The following RRP36 variants were observed in gnomAD, a reference collection of about 807,000 sequenced individuals.
RRP36 encodes the protein ribosomal RNA processing protein 36 homolog.
A neutral mutation model predicts 39.8 loss-of-function variants in RRP36; 44 were observed. That is an observed-to-expected ratio of 1.10 (90% CI 0.87 to 1.42). RRP36 has a LOEUF of 1.42. Ranked by LOEUF, RRP36 falls within the 40% of genes most tolerant of loss-of-function variation. The pLI is 0.00. For missense variants in RRP36, 316 were observed against 322.4 expected (o/e 0.98, Z 0.15); for synonymous variants, 124 against 123.1 (o/e 1.01, Z -0.05).
chr6:43,028,131 G>T (rs984078982), intron 6 of RRP36, among the ~76,000 whole-genome samples: 4 of 152,018 alleles, frequency 2.6e-5, no homozygotes, highest in Non-Finnish European at 5.9e-5. Context: ...TTCGAGACCA[G>T]CCTGGGGGCC....
At chr6:43,026,335 T>C (rs1762813449) in intron 4 of RRP36, among the ~76,000 whole-genome samples, 194 bp downstream of exon 4, 1 of 152,182 alleles carries the variant, frequency 6.6e-6, no homozygotes, top group Non-Finnish European at 1.5e-5. Context: ...AATCTCTCTA[T>C]GCTTTAGTTT....
chr6:43,023,477 C>T (rs1235292179), intron 1 of RRP36, among the ~76,000 whole-genome samples: 1 of 151,896 alleles, frequency 6.6e-6, no homozygotes, highest in Non-Finnish European at 1.5e-5. Context: ...GGGCGGATCA[C>T]AAGGTCAGGA....
chr6:43,022,778 C>T (rs1471869921), intron 1 of RRP36, among the ~76,000 whole-genome samples: 1 of 151,752 alleles, frequency 6.6e-6, no homozygotes, highest in Non-Finnish European at 1.5e-5. Flanking sequence ...ACTACAGGCG[C>T]CCGCCACCAC....
At chr6:43,028,653 A>G (rs1200972768) in intron 6 of RRP36, among the ~76,000 whole-genome samples, 2 of 150,554 alleles carry the variant, frequency 1.3e-5, no homozygotes, top group Non-Finnish European at 2.9e-5. Context: ...ATCTCAAAAA[A>G]AAAAAGTCAC....
chr6:43,021,748 C>T lies in RRP36; in HGVS notation c.94C>T (p.Leu32=), dbSNP rs578100042. 8.9e-7 allele frequency: 1 copy of T among 1,121,226 alleles called. No individual in the cohort carries two copies. The highest frequency in any genetic ancestry group is 4.3e-5 in the East Asian group (1 of 23,022). 69.5% of individuals were successfully genotyped at this position (1,121,226 alleles called of 1,614,324 possible). A position where few individuals can be genotyped will look rare whatever the true frequency, so the allele number is the denominator to read the frequency against. Residue 32 remains leucine, a synonymous_variant, in exon 1 of 7, where the codon CTG becomes TTG. Transcript: ENST00000244496. The part of the protein sequence containing the change: ...ARDREEDGGG[L]EPAAVARDLL... The stretch of plus-strand genomic sequence containing the variant: ...GGACCGCGAGGAGGACGGCGGGGGC[C>T]TGGAGCCCGCGGCCGTGGCCCGCGA...
chr6:43,023,824 A>G (rs1762767890), intron 1 of RRP36, among the ~76,000 whole-genome samples: 1 of 151,848 alleles, frequency 6.6e-6, no homozygotes. Context: ...GTGATAGAGG[A>G]TATGGAGAAA....
At chr6:43,024,208 G>A (rs1173930560) in intron 1 of RRP36, among the ~76,000 whole-genome samples, 1 of 152,094 alleles carries the variant, frequency 6.6e-6, no homozygotes, top group Non-Finnish European at 1.5e-5. Flanking sequence ...AGGTGATTTT[G>A]AATAAAGGCT....
At chr6:43,027,309 A>G (rs1326883050) in intron 5 of RRP36, 51 bp from the exon 6 acceptor site, 2 of 1,608,890 alleles carry the variant, frequency 1.2e-6, no homozygotes, top group Non-Finnish European at 1.7e-6. Flanking sequence ...GGAGATATTC[A>G]CAGATCTGAA....
chr6:43,025,007 G>C lies in RRP36; in HGVS notation c.153G>C (p.Glu51Asp). ...CAGGCACATCTAACATGTCATTTGA[G>C]GAGCTGTTGGAATTGCAGAGCCAAG... ...LLRGTSNMSFEELLELQSQVG... is the reference protein window; with the variant it reads ...LLRGTSNMSFDELLELQSQVG... Residue 51 changes from glutamate (E) to aspartate (D), a missense_variant, in exon 2 of 7, where the codon GAG (glutamate) becomes GAC (aspartate). By Grantham distance (45) the Glu-to-Asp change is conservative. Coordinates refer to ENST00000244496, the MANE Select transcript of RRP36 (RefSeq NM_033112.4). The C allele has an allele frequency of 6.2e-7, 1 of 1,614,048 alleles. No homozygotes were observed.
At chr6:43,025,586 G>T (rs987412189) in intron 3 of RRP36, among the ~76,000 whole-genome samples, 2 of 133,534 alleles carry the variant, frequency 1.5e-5, no homozygotes, top group African/African-American at 5.8e-5. Context: ...TCATGCCACT[G>T]CCCTACAGCC....
intron 1 of RRP36, among the ~76,000 whole-genome samples, chr6:43,023,910 G>T (rs1375209569): frequency 2.0e-5 from 3 of 149,868 alleles, no homozygotes; most frequent in Non-Finnish European, 4.4e-5. Flanking sequence ...AGGCTGGAGT[G>T]CAGTGACGTG....
rs1319494474 is a variant in RRP36, at chr6:43,029,205, C to A, written c.757C>A (p.His253Asn). The A allele has an allele frequency of 3.1e-6, 5 of 1,614,106 alleles. No homozygotes were observed. Among genetic ancestry groups the A allele is most frequent in the Non-Finnish European group, 3.4e-6 (4 of 1,180,040 alleles). The change falls in exon 7 of 7, where the codon CAT becomes AAT. Residue 253 changes from histidine (H) to asparagine (N), a missense_variant. Coordinates refer to ENST00000244496, the MANE Select transcript of RRP36 (RefSeq NM_033112.4). Reference protein sequence around the residue: ...RRRNAGKDRRHLPLSKE With the variant: ...RRRNAGKDRRNLPLSKE ...ACGAAATGCAGGCAAGGACAGGAGA[C>A]ATCTCCCTTTGAGCAAAGAGTAATA...
chr6:43,026,141 G>A lies in RRP36; in HGVS notation c.450G>A (p.Glu150=). The A allele has an allele frequency of 6.2e-7, 1 of 1,609,394 alleles. No individual in the cohort carries two copies. The highest frequency in any genetic ancestry group is 8.5e-7 in the Non-Finnish European group (1 of 1,176,012). The change falls in exon 4 of 7, where the codon GAG becomes GAA. Residue 150 remains glutamate, a splice_region_variant and synonymous_variant. Transcript: ENST00000244496. ...FLNDIRAKEK[E]LVKKQLKKHL... ...ATGACATCCGAGCGAAAGAGAAAGA[G>A]GTATACAGCTTGAGACTGGTTTATG...
chr6:43,027,248 G>T lies in RRP36; in HGVS notation c.521G>T (p.Arg174Leu). 1 of 1,614,126 alleles carries T rather than the reference G, an allele frequency of 6.2e-7. No individual in the cohort carries two copies. The highest frequency in any genetic ancestry group is 8.5e-7 in the Non-Finnish European group (1 of 1,179,956). Reference protein sequence around the residue: ...EHEKLQQLLQRMEQQEMAQQE... With the variant: ...EHEKLQQLLQLMEQQEMAQQE... ...GAGAAACTGCAGCAACTGCTTCAGCGAATGGTGAGTGGGTAATAATTGTGG... is the reference window on the plus strand; with the variant it reads ...GAGAAACTGCAGCAACTGCTTCAGCTAATGGTGAGTGGGTAATAATTGTGG... The change falls in exon 5 of 7, where the codon CGA becomes CTA. Residue 174 changes from arginine to leucine, a missense_variant. Coordinates refer to ENST00000244496, the MANE Select transcript of RRP36 (RefSeq NM_033112.4).
chr6:43,026,896 C>G (rs1243683804), intron 4 of RRP36, among the ~76,000 whole-genome samples: 1 of 140,878 alleles, frequency 7.1e-6, no homozygotes, highest in African/African-American at 3.0e-5. Flanking sequence ...AATTTAGTCT[C>G]TACTAAAATA....
At chr6:43,022,446 C>T (rs926393056) in intron 1 of RRP36, among the ~76,000 whole-genome samples, 2 of 151,930 alleles carry the variant, frequency 1.3e-5, no homozygotes, top group African/African-American at 4.8e-5. Flanking sequence ...CAAAGTCTCG[C>T]CCTGTAGCCC....
At chr6:43,026,207 A>AC (rs1762811756) in intron 4 of RRP36, 66 bp downstream of exon 4, 1 of 1,149,594 alleles carries the variant, frequency 8.7e-7, no homozygotes, top group Non-Finnish European at 1.3e-6. Context: ...CAGGTTAGAG[A>AC]GTTGGGCAGG....
In RRP36 at chr6:43,021,790, G is replaced by C; in HGVS notation, c.130+6G>C. 8.2e-7 allele frequency: 1 copy of C among 1,217,672 alleles called. No homozygotes were observed. The highest frequency in any genetic ancestry group is 1.0e-6 in the Non-Finnish European group (1 of 978,044). 75.4% of individuals were successfully genotyped at this position (1,217,672 alleles called of 1,614,324 possible). ...GGCCCGCGACCTATTGAGGGGTGAG[G>C]GCATGGGGCAGGGCGGGCTGGGGAG... On this transcript the variant is annotated splice_donor_region_variant and intron_variant, in intron 1 of 6. Coordinates refer to ENST00000244496, the MANE Select transcript of RRP36 (RefSeq NM_033112.4).
In RRP36 at chr6:43,027,407, G is replaced by T. The variant is rs1207697066; in HGVS notation, c.573G>T (p.Leu191=). 22 of 1,614,252 alleles carry T rather than the reference G, an allele frequency of 1.4e-5. No homozygotes were observed. The highest frequency in any genetic ancestry group is 8.3e-5 in the Admixed American group (5 of 60,022). ...AGGAACGAAAGCAACAGCAGGAGCT[G>T]CACCTGGCCCTGAAGCAAGAACGTC... ...AQQERKQQQE[L]HLALKQERRA... The change falls in exon 6 of 7, where the codon CTG becomes CTT. Residue 191 remains leucine, a synonymous_variant. Transcript: ENST00000244496.
Sources: allele counts gnomAD v4.1 joint callset (sites outside exome capture counted in the v4.1 genomes callset), GRCh38; gene constraint gnomAD v4.1.1; transcripts MANE v1.5; gene names NCBI Gene and HGNC (gene_info 2026-07-23, HGNC 2026-07-21).